MIS18BP1: variants seen among roughly 807,000 people sequenced by gnomAD.
The protein encoded by MIS18BP1 is mis18-binding protein 1.
Under a neutral mutation model 116.1 loss-of-function variants are expected in MIS18BP1, and 72 were observed. That is an observed-to-expected ratio of 0.62 (90% CI 0.51 to 0.75). The LOEUF is 0.75. Ranked by LOEUF, MIS18BP1 falls within the 30% of genes least tolerant of loss-of-function variation. The probability of loss-of-function intolerance (pLI) is 0.00; values close to 1 mark genes in which losing one functional copy is unlikely to be tolerated. For missense variants in MIS18BP1, 1,363 were observed against 1,303.2 expected, an observed-to-expected ratio of 1.05 and a Z score of -0.71; for synonymous variants, 386 against 427.0, an observed-to-expected ratio of 0.90 and a Z score of 1.18.
At position 45,227,668 on chromosome 14, in the gene MIS18BP1, T is replaced by A; in HGVS notation, c.1741A>T (p.Asn581Tyr). The A allele has an allele frequency of 6.2e-7, 1 of 1,612,232 alleles. No individual in the cohort carries two copies. The highest frequency in any genetic ancestry group is 8.5e-7 in the Non-Finnish European group (1 of 1,178,304). ...IQNGGGDDLSNQELIGKKEYK... is the reference protein window; with the variant it reads ...IQNGGGDDLSYQELIGKKEYK... ...AGTGTACAATAAAGCCTTACCTGAT[T>A]AGATAAGTCATCTCCTCCTCCATTT... The change falls in exon 9 of 17, where the codon AAT becomes TAT. Residue 581 changes from asparagine to tyrosine, a missense_variant. Coordinates refer to ENST00000310806, the MANE Select transcript of MIS18BP1 (RefSeq NM_018353.5).
chr14:45,243,453 T>C (rs541814265), intron 2 of MIS18BP1, among the ~76,000 whole-genome samples: 1 of 152,276 alleles, frequency 6.6e-6, no homozygotes, highest in African/African-American at 2.4e-5. Flanking sequence ...ATAGCACTGC[T>C]TGCATCTTAT....
intron 8 of MIS18BP1, among the ~76,000 whole-genome samples, chr14:45,229,730 A>T (rs1038344288): frequency 1.2e-4 from 18 of 152,294 alleles, no homozygotes; most frequent in Admixed American, 4.6e-4. Context: ...AGACCAACAA[A>T]TGATTAAAAG....
rs1891617826 is a variant in MIS18BP1 at position 45,242,782 on chromosome 14, G to A, written c.637C>T (p.Pro213Ser). Reference protein sequence around the residue: ...KIQCQQEKKAPLHNLTYELPT... With the variant: ...KIQCQQEKKASLHNLTYELPT... ...TTACCGTAAGTTAAATTGTGCAGTG[G>A]TGCTTTCTTTTCCTGCTGGCACTGA... The change falls in exon 3 of 17, where the codon CCA (proline) becomes TCA (serine). Residue 213 changes from proline to serine, a missense_variant. Physicochemically the swap from Pro to Ser is moderately conservative, Grantham distance 74. Transcript: ENST00000310806. 1 of 1,612,582 alleles carries A rather than the reference G, an allele frequency of 6.2e-7. No individual in the cohort carries two copies. Among genetic ancestry groups the A allele is most frequent in the Middle Eastern group, 1.7e-4 (1 of 6,056 alleles).
intron 9 of MIS18BP1, 106 bp downstream of exon 9, chr14:45,227,557 A>G: frequency 6.8e-6 from 7 of 1,024,792 alleles, no homozygotes; most frequent in South Asian, 5.5e-5. Context: ...AAGAAAAAAA[A>G]AAAAAAAACA....
chr14:45,250,913 T>A (rs144952918), intron 1 of MIS18BP1, among the ~76,000 whole-genome samples: 78 of 152,130 alleles, frequency 5.1e-4, no homozygotes, highest in African/African-American at 1.6e-3. Flanking sequence ...GACACGCGCC[T>A]GTATTCCCAG....
chr14:45,242,421 G>A lies in MIS18BP1; in HGVS notation c.756C>T (p.His252=). 6.2e-7 allele frequency: 1 copy of A among 1,613,794 alleles called. No homozygotes were observed. The highest frequency in any genetic ancestry group is 8.5e-7 in the Non-Finnish European group (1 of 1,179,928). ...TRAQLAKQIF[H]SKESIVATTK... is the part of the protein sequence containing the mutation. Reference sequence around the variant, plus strand: ...TGGTTGCAACTATACTCTCCTTTGAGTGAAAAATTTGTTTAGCCAACTGAG... The same window carrying A: ...TGGTTGCAACTATACTCTCCTTTGAATGAAAAATTTGTTTAGCCAACTGAG... The change falls in exon 4 of 17, where the codon CAC becomes CAT. Residue 252 remains histidine, a synonymous_variant. Transcript: ENST00000310806.
At chr14:45,245,335 T>G (rs1028899495) in intron 2 of MIS18BP1, among the ~76,000 whole-genome samples, 2 of 152,112 alleles carry the variant, frequency 1.3e-5, no homozygotes, top group African/African-American at 2.4e-5. Context: ...CCTCACAATC[T>G]TCTCAGTGGC....
At position 45,210,205 on chromosome 14, in the gene MIS18BP1, A is replaced by G. The variant is rs1014543966; in HGVS notation, c.3152+175T>C. 5.0e-6 allele frequency: 3 copies of G among 604,184 alleles called. No homozygotes were observed. In the African/African-American group the frequency reaches 5.6e-5, roughly 11 times the overall value. The allele number at this position is 604,184 out of a possible 1,614,324, so 37.4% of individuals were successfully genotyped here. ...GGTTATATCACAATGCTGTTTATTG[A>G]ATAGCACCCCGATTTGATGAACTTG... On this transcript the variant is annotated intron_variant, in intron 14 of 16. Coordinates refer to ENST00000310806, the MANE Select transcript of MIS18BP1 (RefSeq NM_018353.5).
At chr14:45,233,003 TG>T (rs1891331213) in intron 6 of MIS18BP1, among the ~76,000 whole-genome samples, 183 bp from the exon 7 acceptor site, 2 of 152,190 alleles carry the variant, frequency 1.3e-5, no homozygotes, top group Admixed American at 1.3e-4. Context: ...TCATGGAACT[TG>T]GCTTCTAATG....
intron 7 of MIS18BP1, among the ~76,000 whole-genome samples, chr14:45,232,260 C>CA (rs1464964312): frequency 2.0e-5 from 3 of 151,244 alleles, no homozygotes; most frequent in East Asian, 3.9e-4. Flanking sequence ...ACTAAAAATA[C>CA]AAAAAAATTA....
At chr14:45,204,509 A>C in intron 15 of MIS18BP1, 56 bp from the exon 16 acceptor site, 1 of 1,308,658 alleles carries the variant, frequency 7.6e-7, no homozygotes, top group Non-Finnish European at 1.1e-6. Flanking sequence ...AGTCTACCTC[A>C]AATCTAGACA....
intron 14 of MIS18BP1, among the ~76,000 whole-genome samples, chr14:45,207,975 A>C (rs1479801813): frequency 6.6e-6 from 1 of 152,190 alleles, no homozygotes; most frequent in African/African-American, 2.4e-5. Context: ...ACAAAAACCC[A>C]CAACCCACAC....
rs1891752288 is a variant in MIS18BP1 at position 45,247,373 on chromosome 14, G to A, written c.-87C>T. 4 of 1,118,372 alleles carry A rather than the reference G, an allele frequency of 3.6e-6. No homozygotes were observed. In the Admixed American group the frequency reaches 1.0e-4, roughly 29 times the overall value. The allele number at this position is 1,118,372 out of a possible 1,614,324, so 69.3% of individuals were successfully genotyped here. On this transcript the variant is annotated 5_prime_UTR_variant, in exon 2 of 17. Transcript: ENST00000310806. ...GATAGAACTTCAGAAGGGATCCACA[G>A]AAACCTGTAGTTCAACGTAAAATCA...
intron 4 of MIS18BP1, among the ~76,000 whole-genome samples, chr14:45,238,876 C>T (rs143913064): frequency 5.5e-4 from 84 of 152,110 alleles, no homozygotes; most frequent in African/African-American, 1.6e-3. Flanking sequence ...GTAGTAATGG[C>T]GAGGGGATCC....
Position 45,204,017 on chromosome 14 carries a change from A to G in MIS18BP1, c.*92T>C, listed in dbSNP as rs919243392. The G allele has an allele frequency of 6.7e-7, 1 of 1,489,212 alleles. No individual in the cohort carries two copies. The highest frequency in any genetic ancestry group is 8.9e-7 in the Non-Finnish European group (1 of 1,121,240). The allele number at this position is 1,489,212 out of a possible 1,614,324, so 92.2% of individuals were successfully genotyped here. Reference sequence around the variant, plus strand: ...AAAGTCCACATTTTCATAGGAAGCTACTTTACAAAGAAAATACATGTACTC... The same window carrying G: ...AAAGTCCACATTTTCATAGGAAGCTGCTTTACAAAGAAAATACATGTACTC... On this transcript the variant is annotated 3_prime_UTR_variant, in exon 17 of 17. Transcript: ENST00000310806.
At chr14:45,252,510 C>T (rs1224315128) in intron 1 of MIS18BP1, among the ~76,000 whole-genome samples, 1 of 152,184 alleles carries the variant, frequency 6.6e-6, no homozygotes, top group Non-Finnish European at 1.5e-5. Context: ...AAGTGGCCTA[C>T]CATTTTCTTG....
Position 45,203,328 on chromosome 14 carries a change from T to A in MIS18BP1, c.*781A>T, listed in dbSNP as rs111642132. 2 of 152,132 alleles carry A rather than the reference T, an allele frequency of 1.3e-5. No homozygotes were observed. The highest frequency in any genetic ancestry group is 2.9e-5 in the Non-Finnish European group (2 of 68,018). 9.4% of individuals were successfully genotyped at this position (152,132 alleles called of 1,614,324 possible). A position where few individuals can be genotyped will look rare whatever the true frequency, so the allele number is the denominator to read the frequency against. ...AAATAAGTTTATTTCTAAAAGAAAT[T>A]TCAGTGAAAGAAAAAGGATGTTTAT... is the stretch of plus-strand genomic sequence containing the variant. On this transcript the variant is annotated 3_prime_UTR_variant, in exon 17 of 17. Coordinates refer to ENST00000310806, the MANE Select transcript of MIS18BP1 (RefSeq NM_018353.5).
chr14:45,216,542 A>G (rs983224037), intron 13 of MIS18BP1, among the ~76,000 whole-genome samples: 3 of 152,128 alleles, frequency 2.0e-5, no homozygotes, highest in African/African-American at 7.2e-5. Context: ...TGAGTTGTTC[A>G]TATCACAGAT....
chr14:45,204,660 C>A (rs993688757), intron 15 of MIS18BP1, among the ~76,000 whole-genome samples: 1 of 151,894 alleles, frequency 6.6e-6, no homozygotes, highest in African/African-American at 2.4e-5. Flanking sequence ...ATGTTGTTTC[C>A]CAGTGCTGGC....
Sources: gnomAD v4.1 joint callset for allele counts (sites outside exome capture counted in the v4.1 genomes callset) on GRCh38, gnomAD v4.1.1 for gene constraint, MANE v1.5 for transcripts, NCBI Gene and HGNC (gene_info 2026-07-23, HGNC 2026-07-21) for gene names.